The following SUSD1 variants were observed in gnomAD, a reference collection of about 807,000 sequenced individuals.
The protein encoded by SUSD1 is sushi domain-containing protein 1.
In SUSD1, 65 loss-of-function variants were observed where a neutral mutation model predicts 86.9. The observed-to-expected ratio is 0.75, with a 90% CI of 0.61 to 0.92. The LOEUF is 0.92. Among genes scored for constraint, SUSD1 ranks in the 40% least tolerant of loss-of-function variants. SUSD1 has a pLI of 0.00. For synonymous variants in SUSD1, 346 were observed against 350.0 expected, an observed-to-expected ratio of 0.99 and a Z score of 0.13; for missense variants, 850 against 929.7, an observed-to-expected ratio of 0.91 and a Z score of 1.11.
At chr9:112,120,479 T>C (rs1831507938) in intron 6 of SUSD1, among the ~76,000 whole-genome samples, 1 of 152,248 alleles carries the variant, frequency 6.6e-6, no homozygotes, top group Non-Finnish European at 1.5e-5. Context: ...AGAGATCATC[T>C]GCACTGTACC....
At chr9:112,117,047 C>T (rs1044731013) in intron 6 of SUSD1, among the ~76,000 whole-genome samples, 6 of 152,156 alleles carry the variant, frequency 3.9e-5, no homozygotes, top group Non-Finnish European at 4.4e-5. Context: ...GGCCGAGGCA[C>T]GAGAATCACT....
At position 112,143,575 on chromosome 9, in the gene SUSD1, C is replaced by G; in HGVS notation, c.422G>C (p.Cys141Ser). ...VSGLCRHGGR[C>S]VNTHGSFECY... ...TTCAAAGCTCCCATGAGTGTTCACG[C>G]ATCGCCCTCCATGCCTGCACAGGCC... Residue 141 changes from cysteine to serine, a missense_variant, in exon 4 of 17, where the codon TGC becomes TCC. Coordinates refer to ENST00000374270, the MANE Select transcript of SUSD1 (RefSeq NM_022486.5). 6.2e-7 allele frequency: 1 copy of G among 1,614,070 alleles called. No homozygotes were observed. Among genetic ancestry groups the G allele is most frequent in the Non-Finnish European group, 8.5e-7 (1 of 1,180,000 alleles).
At chr9:112,143,235 C>T (rs1832661048) in intron 4 of SUSD1, among the ~76,000 whole-genome samples, 1 of 151,864 alleles carries the variant, frequency 6.6e-6, no homozygotes, top group Non-Finnish European at 1.5e-5. Context: ...ATCCACCAGC[C>T]TCGGCCTCCC....
At chr9:112,138,589 C>T (rs1832421039) in intron 5 of SUSD1, among the ~76,000 whole-genome samples, 1 of 151,340 alleles carries the variant, frequency 6.6e-6, no homozygotes, top group African/African-American at 2.4e-5. Context: ...GCTGGGATTA[C>T]AGGTGCACGC....
intron 5 of SUSD1, among the ~76,000 whole-genome samples, chr9:112,133,060 T>C (rs747051201): frequency 1.3e-5 from 2 of 152,220 alleles, no homozygotes; most frequent in Non-Finnish European, 2.9e-5. Context: ...TGAGGATCAC[T>C]TGAGCCCAGC....
chr9:112,103,557 G>A (rs145911441), intron 8 of SUSD1, among the ~76,000 whole-genome samples: 249 of 152,328 alleles, frequency 1.6e-3, no homozygotes, highest in African/African-American at 5.5e-3. Context: ...TGATTTTCAC[G>A]TAAGATAGTC....
At chr9:112,064,258 T>G (rs1589598862) in intron 12 of SUSD1, among the ~76,000 whole-genome samples, 1 of 152,084 alleles carries the variant, frequency 6.6e-6, no homozygotes, top group Admixed American at 6.5e-5. Flanking sequence ...GAGCAGCAGG[T>G]GGACAAGCAT....
chr9:112,082,030 T>C (rs1352677664), intron 10 of SUSD1, among the ~76,000 whole-genome samples: 1 of 152,104 alleles, frequency 6.6e-6, no homozygotes, highest in East Asian at 1.9e-4. Context: ...CAATTTCTAG[T>C]AAAGTTAAGA....
At chr9:112,129,862 C>T (rs700100) in intron 5 of SUSD1, among the ~76,000 whole-genome samples, 69,645 of 152,026 alleles carry the variant, frequency 0.46, 16,688 homozygotes, top group African/African-American at 0.6. Flanking sequence ...AATGCTGCTA[C>T]GATATGCCAA....
At chr9:112,088,070 A>T (rs973652623) in intron 10 of SUSD1, among the ~76,000 whole-genome samples, 1 of 152,382 alleles carries the variant, frequency 6.6e-6, no homozygotes, top group African/African-American at 2.4e-5. Context: ...AAAAGAACTG[A>T]ATCTTTTTAA....
chr9:112,065,292 G>T (rs575617119), intron 12 of SUSD1, among the ~76,000 whole-genome samples: 10 of 152,306 alleles, frequency 6.6e-5, no homozygotes, highest in Non-Finnish European at 1.0e-4. Context: ...GGAGGCAGAG[G>T]TGGGCGGATC....
chr9:112,138,237 G>GTGTATATATATATATATATATA (rs1554770274), intron 5 of SUSD1, among the ~76,000 whole-genome samples: 1 of 4,152 alleles, frequency 2.4e-4, no homozygotes, highest in Non-Finnish European at 3.6e-4. Context: ...AAAAAAATGT[G>GTGTATATATATATATATATATA]TATATATATA....
chr9:112,174,112 C>T (rs1449597260), intron 1 of SUSD1: 1 of 154,336 alleles, frequency 6.5e-6, no homozygotes. Flanking sequence ...GGCACTCTGC[C>T]CTCTGCCTCT....
intron 1 of SUSD1, among the ~76,000 whole-genome samples, chr9:112,169,921 C>T (rs1337962944): frequency 1.3e-5 from 2 of 152,100 alleles, no homozygotes; most frequent in Non-Finnish European, 2.9e-5. Flanking sequence ...GTGATCCATC[C>T]ACCCCAATCT....
intron 10 of SUSD1, 27 bp downstream of exon 10, chr9:112,098,443 A>G (rs1422340829): frequency 5.6e-6 from 9 of 1,608,428 alleles, no homozygotes; most frequent in Non-Finnish European, 6.8e-6. Flanking sequence ...GTCCTGAGGC[A>G]CAAAAAAGAA....
chr9:112,098,471 T>A lies in SUSD1; in HGVS notation c.1473A>T (p.Ala491=), dbSNP rs1386363264. The A allele has an allele frequency of 5.6e-6, 9 of 1,613,866 alleles. No individual in the cohort carries two copies. The highest frequency in any genetic ancestry group is 7.6e-6 in the Non-Finnish European group (9 of 1,179,776). Reference sequence around the variant, plus strand: ...AAAAAGAAAGACGTCTACACCCACCTGCTGGGGGAGTTGCTATTGTTATTT... The same window carrying A: ...AAAAAGAAAGACGTCTACACCCACCAGCTGGGGGAGTTGCTATTGTTATTT... ...SVQITIATPP[A]VKQTISNISG... The change falls in exon 10 of 17, where the codon GCA becomes GCT. Residue 491 remains alanine (A), a splice_region_variant and synonymous_variant. Transcript: ENST00000374270.
intron 1 of SUSD1, among the ~76,000 whole-genome samples, chr9:112,171,260 C>A (rs1834035086): frequency 6.6e-6 from 1 of 152,196 alleles, no homozygotes; most frequent in Non-Finnish European, 1.5e-5. Flanking sequence ...AACCCCCTTC[C>A]TTTTTCTACT....
At chr9:112,134,881 A>G (rs1389829014) in intron 5 of SUSD1, among the ~76,000 whole-genome samples, 1 of 152,122 alleles carries the variant, frequency 6.6e-6, no homozygotes, top group Non-Finnish European at 1.5e-5. Context: ...CAGCTGGCCA[A>G]TGTGATGAAA....
In SUSD1 at chr9:112,042,227, G is replaced by A. The variant is rs545561013; in HGVS notation, c.2150-267C>T. 36 of 1,396,736 alleles carry A rather than the reference G, an allele frequency of 2.6e-5. No homozygotes were observed. The African/African-American group carries it at 5.0e-4, about 19-fold the overall frequency. 86.5% of individuals were successfully genotyped at this position (1,396,736 alleles called of 1,614,324 possible). On this transcript the variant is annotated intron_variant, in intron 15 of 16. Coordinates refer to ENST00000374270, the MANE Select transcript of SUSD1 (RefSeq NM_022486.5). ...TACAAGGGAGAAAACAGCTAATCTT[G>A]TTGAGCACACAAATACTATGCAACG...
Sources: gnomAD v4.1 joint callset for allele counts (sites outside exome capture counted in the v4.1 genomes callset) on GRCh38, gnomAD v4.1.1 for gene constraint, MANE v1.5 for transcripts, NCBI Gene and HGNC (gene_info 2026-07-23, HGNC 2026-07-21) for gene names.